Variants in USH2A observed in about 807,000 individuals in gnomAD.
The protein encoded by USH2A is usherin.
USH2A carries 443 observed loss-of-function variants against 538.9 expected under a neutral mutation model. That is an observed-to-expected ratio of 0.82 (90% CI 0.76 to 0.89). USH2A has a LOEUF of 0.89. Among genes scored for constraint, USH2A ranks in the 40% least tolerant of loss-of-function variants. The pLI, the probability that USH2A is intolerant of heterozygous loss-of-function variation, is 0.00. For synonymous variants in USH2A, 2,413 were observed against 2,273.5 expected (o/e 1.06, Z -1.75); for missense variants, 6,633 against 6,324.8 (o/e 1.05, Z -1.65).
At chr1:215,841,698 A>T (rs1424019030) in intron 46 of USH2A, among the ~76,000 whole-genome samples, 2 of 152,338 alleles carry the variant, frequency 1.3e-5, no homozygotes, top group East Asian at 3.9e-4. Flanking sequence ...GACAAATGGG[A>T]TCTAATTAAA....
At position 216,232,004 on chromosome 1, in the gene USH2A, C is replaced by A. The variant is rs574882069; in HGVS notation, c.2942G>T (p.Arg981Leu). 1 of 1,614,054 alleles carries A rather than the reference C, an allele frequency of 6.2e-7. No individual in the cohort carries two copies. Among genetic ancestry groups the A allele is most frequent in the South Asian group, 1.1e-5 (1 of 91,078 alleles). ...VCQDASIAGQ[R>L]CDQCKDHYFG... ...GTAATGGTCTTTGCATTGGTCACAACGTTGCCCAGCAATGGAAGCATCTTG... is the reference window on the plus strand; with the variant it reads ...GTAATGGTCTTTGCATTGGTCACAAAGTTGCCCAGCAATGGAAGCATCTTG... The change falls in exon 14 of 72, where the codon CGT becomes CTT. Residue 981 changes from arginine (R) to leucine (L), a missense_variant. Physicochemically the swap from Arg to Leu is moderately radical, Grantham distance 102. Transcript: ENST00000307340.
At chr1:215,827,744 G>T (rs1663195853) in intron 47 of USH2A, among the ~76,000 whole-genome samples, 1 of 152,036 alleles carries the variant, frequency 6.6e-6, no homozygotes, top group Non-Finnish European at 1.5e-5. Context: ...ATTAAAAATA[G>T]TCTACAATTG....
chr1:215,944,863 AT>A (rs1231473468), intron 37 of USH2A, among the ~76,000 whole-genome samples: 4 of 152,168 alleles, frequency 2.6e-5, no homozygotes, highest in African/African-American at 9.6e-5. Context: ...TCCCCTTCCA[AT>A]GGATTCTAGT....
Position 215,759,845 on chromosome 1 carries a change from T to C in USH2A, c.11048-2A>G, listed in dbSNP as rs200871041. On this transcript the variant is annotated splice_acceptor_variant, in intron 56 of 71. Coordinates refer to ENST00000307340, the MANE Select transcript of USH2A (RefSeq NM_206933.4). LOFTEE classifies it high-confidence loss of function. ...TGTGTCGAGGTGTCACCCAAACTCC[T>C]GGCAAGAATAACGCAATGAGGTTTT... 12 of 1,613,846 alleles carry C rather than the reference T, an allele frequency of 7.4e-6. No individual in the cohort carries two copies. The highest frequency in any genetic ancestry group is 1.0e-5 in the Non-Finnish European group (12 of 1,179,882).
intron 9 of USH2A, among the ~76,000 whole-genome samples, chr1:216,301,997 T>C (rs2037224769): frequency 6.6e-6 from 1 of 152,222 alleles, no homozygotes; most frequent in Admixed American, 6.5e-5. Context: ...GTCTACTAGG[T>C]AGAGAAATCA....
intron 2 of USH2A, 25 bp from the exon 3 acceptor site, chr1:216,418,704 G>A: frequency 6.2e-7 from 1 of 1,612,264 alleles, no homozygotes; most frequent in Middle Eastern, 1.7e-4. Context: ...GGAAAAGAGA[G>A]AAAAGGTCAG....
chr1:215,867,848 G>T (rs564706071), intron 43 of USH2A, among the ~76,000 whole-genome samples: 50 of 152,164 alleles, frequency 3.3e-4, no homozygotes, highest in Admixed American at 5.9e-4. Context: ...ATATGAGGAG[G>T]ACTTTCCAAG....
intron 37 of USH2A, among the ~76,000 whole-genome samples, chr1:215,958,125 G>A (rs1487622854): frequency 6.7e-6 from 1 of 149,260 alleles, no homozygotes; most frequent in Non-Finnish European, 1.5e-5. Flanking sequence ...GAAAATAAAC[G>A]CTTCTGTATA....
intron 21 of USH2A, among the ~76,000 whole-genome samples, chr1:216,166,326 G>T (rs1487317569): frequency 6.6e-6 from 1 of 152,070 alleles, no homozygotes; most frequent in Non-Finnish European, 1.5e-5. Flanking sequence ...CAAGCACTGG[G>T]ACTAAAAAAT....
intron 32 of USH2A, among the ~76,000 whole-genome samples, chr1:216,038,586 A>C (rs2030106173): frequency 6.6e-6 from 1 of 151,988 alleles, no homozygotes; most frequent in Non-Finnish European, 1.5e-5. Context: ...CTGAGTCAAG[A>C]TTTGAGGCCA....
intron 21 of USH2A, among the ~76,000 whole-genome samples, chr1:216,109,731 A>T (rs1023984719): frequency 2.0e-5 from 3 of 152,174 alleles, no homozygotes; most frequent in African/African-American, 7.2e-5. Context: ...ATTTTACAGG[A>T]AATATTATCA....
At chr1:215,762,978 T>A (rs918231731) in intron 56 of USH2A, among the ~76,000 whole-genome samples, 5 of 152,212 alleles carry the variant, frequency 3.3e-5, no homozygotes, top group African/African-American at 1.2e-4. Context: ...CCACTTCTCA[T>A]GTCCCTACAA....
chr1:215,914,718 T>C (rs1337307464), intron 38 of USH2A, among the ~76,000 whole-genome samples: 1 of 152,124 alleles, frequency 6.6e-6, no homozygotes, highest in Non-Finnish European at 1.5e-5. Context: ...TTCACCACAA[T>C]GGTGGCCAGG....
At chr1:216,386,817 T>C (rs1306512661) in intron 3 of USH2A, among the ~76,000 whole-genome samples, 2 of 152,062 alleles carry the variant, frequency 1.3e-5, no homozygotes, top group Non-Finnish European at 2.9e-5. Flanking sequence ...ATCACGCCAC[T>C]GCAATCCAGC....
chr1:215,718,671 G>A (rs1245205622), intron 61 of USH2A, among the ~76,000 whole-genome samples: 1 of 152,144 alleles, frequency 6.6e-6, no homozygotes, highest in Non-Finnish European at 1.5e-5. Context: ...GGTCATCTGT[G>A]TATGATTTCC....
Position 216,059,748 on chromosome 1 carries a change from T to C in USH2A, c.6049+10353A>G, listed in dbSNP as rs568116821. Among the ~76,000 whole-genome samples the C allele has an allele frequency of 2.6e-5, 4 of 152,218 alleles. No homozygotes were observed. In the South Asian group the frequency reaches 8.3e-4, roughly 32 times the overall value. On this transcript the variant is annotated intron_variant, in intron 30 of 71. Transcript: ENST00000307340. ...GGGCATCTTGTAATTGAGAATTGGG[T>C]TTTGTTTTATTTTACTGTTTTTTCT...
In USH2A at chr1:216,294,858, G is replaced by A. The variant is rs141796288; in HGVS notation, c.1645-2488C>T. 4.1e-3 allele frequency among the ~76,000 whole-genome samples: 616 copies of A among 151,720 alleles called. 2 individuals are homozygous for A. Among genetic ancestry groups the A allele is most frequent in the African/African-American group, 0.014 (587 of 41,474 alleles). ...TTCTTGGTTAGATATAGTCCTTTTT[G>A]AGAAAATTATTCATTTTTCTTTAGT... On this transcript the variant is annotated intron_variant, in intron 9 of 71. Coordinates refer to ENST00000307340, the MANE Select transcript of USH2A (RefSeq NM_206933.4).
In USH2A at chr1:216,321,814, T is replaced by C. The variant is rs1340039095; in HGVS notation, c.1644+69A>G. On this transcript the variant is annotated intron_variant, in intron 9 of 71. Transcript: ENST00000307340. ...TTTCATTTGTTAGGCCAAGATTAAG[T>C]TCATAGAATTTATAGTCACCATCTC... 2.2e-6 allele frequency: 3 copies of C among 1,360,764 alleles called. No individual in the cohort carries two copies. In the African/African-American group the frequency reaches 4.3e-5, roughly 20 times the overall value. The allele number at this position is 1,360,764 out of a possible 1,614,324, so 84.3% of individuals were successfully genotyped here. A position where few individuals can be genotyped will look rare whatever the true frequency, so the allele number is the denominator to read the frequency against.
At chr1:215,735,300 C>T (rs1354910950) in intron 60 of USH2A, among the ~76,000 whole-genome samples, 3 of 152,174 alleles carry the variant, frequency 2.0e-5, no homozygotes, top group Admixed American at 6.5e-5. Context: ...GTAGTTGCCA[C>T]CTCCATGATA....
Sources: allele counts gnomAD v4.1 joint callset (sites outside exome capture counted in the v4.1 genomes callset), GRCh38; gene constraint gnomAD v4.1.1; transcripts MANE v1.5; gene names NCBI Gene and HGNC (gene_info 2026-07-23, HGNC 2026-07-21).